Variants in CORO6 observed in about 807,000 individuals in gnomAD.
CORO6 encodes the protein coronin 6.
CORO6 carries 43 observed loss-of-function variants against 49.0 expected under a neutral mutation model. That is an observed-to-expected ratio of 0.88 (90% CI 0.69 to 1.13). CORO6 has a LOEUF of 1.13. Among genes scored for constraint, CORO6 ranks in the 50% most tolerant of loss-of-function variants. The pLI is 0.00. For synonymous variants in CORO6, 233 were observed against 256.5 expected (o/e 0.91, Z 0.88); for missense variants, 650 against 647.0 (o/e 1.00, Z -0.05).
At position 29,621,520 on chromosome 17, in the gene CORO6, G is replaced by T; in HGVS notation, c.-63-36C>A. On this transcript the variant is annotated intron_variant, in intron 1 of 10. Transcript: ENST00000388767. This position sits in a 1 kb window ranked among gnomAD's most constrained non-coding sequence, Gnocchi z 4.2. ...GAGGAGGAGTGGAGGGGTGGCTGAT[G>T]AGAAGGGTTATGTGGTCAGGAGTCA... The T allele has an allele frequency of 6.5e-7, 1 of 1,529,210 alleles. No homozygotes were observed. The allele number at this position is 1,529,210 out of a possible 1,614,324, so 94.7% of individuals were successfully genotyped here. A position where few individuals can be genotyped will look rare whatever the true frequency, so the allele number is the denominator to read the frequency against.
rs200773299 is a variant in CORO6, at chr17:29,616,109, C to A, written c.1129G>T (p.Glu377Ter). Residue 377 changes from glutamate (E) to a stop codon, truncating the protein, a stop_gained, in exon 10 of 11, where the codon GAA becomes TAA. Coordinates refer to ENST00000388767, the MANE Select transcript of CORO6 (RefSeq NM_032854.4). LOFTEE classifies it high-confidence loss of function. The surrounding 1 kb of genome is among the most constrained non-coding windows in gnomAD (Gnocchi z 5.6). ...TCGGCGTCCTGGCCGGATAGCCATT[C>A]GTCCGCTTCTAGGGCCGGCTCCGGG... The part of the protein sequence containing the change: ...PGPEPALEAD[E>*]WLSGQDAEPV... 6.2e-7 allele frequency: 1 copy of A among 1,613,158 alleles called. No homozygotes were observed. Among genetic ancestry groups the A allele is most frequent in the African/African-American group, 1.3e-5 (1 of 74,940 alleles).
At position 29,619,113 on chromosome 17, in the gene CORO6, C is replaced by G; in HGVS notation, c.398G>C (p.Arg133Pro). Residue 133 changes from arginine to proline, a missense_variant, in exon 4 of 11, where the codon CGT becomes CCT. Arg to Pro is a moderately radical substitution (Grantham distance 103). Transcript: ENST00000388767. ...PIITLEGHSKRVGILSWHPTA... is the reference protein window; with the variant it reads ...PIITLEGHSKPVGILSWHPTA... The stretch of plus-strand genomic sequence containing the variant: ...AGGGTGCCAGGAGAGGATGCCCACA[C>G]GCTTGGAGTGGCCCTCAAGTGTGAT... 1 of 1,613,732 alleles carries G rather than the reference C, an allele frequency of 6.2e-7. No individual in the cohort carries two copies. The highest frequency in any genetic ancestry group is 8.5e-7 in the Non-Finnish European group (1 of 1,179,944).
At position 29,622,611 on chromosome 17, in the gene CORO6, G is replaced by C. The variant is rs2150944883; in HGVS notation, c.-64+77C>G. On this transcript the variant is annotated intron_variant, in intron 1 of 10. Coordinates refer to ENST00000388767, the MANE Select transcript of CORO6 (RefSeq NM_032854.4). Reference sequence around the variant, plus strand: ...CGAATTTGGCGGCGCGGGGGGAGGAGGCGCAGACCTCTGCCCCTCAGGGAC... The same window carrying C: ...CGAATTTGGCGGCGCGGGGGGAGGACGCGCAGACCTCTGCCCCTCAGGGAC... 14 of 848,642 alleles carry C rather than the reference G, an allele frequency of 1.6e-5. No homozygotes were observed. The South Asian group carries it at 2.8e-4, about 17-fold the overall frequency. The allele number at this position is 848,642 out of a possible 1,614,324, so 52.6% of individuals were successfully genotyped here.
Position 29,616,488 on chromosome 17 carries a change from T to C in CORO6, c.1005-152A>G, listed in dbSNP as rs535431920. On this transcript the variant is annotated intron_variant, in intron 8 of 10. Coordinates refer to ENST00000388767, the MANE Select transcript of CORO6 (RefSeq NM_032854.4). This position sits in a 1 kb window ranked among gnomAD's most constrained non-coding sequence, Gnocchi z 5.6. ...TTATTGGTTCTGCAATAAAACACCC[T>C]GATGGTGTGTTCACCATCATCTTAT... is the stretch of plus-strand genomic sequence containing the variant. 6.6e-6 allele frequency: 6 copies of C among 904,670 alleles called. No homozygotes were observed. The highest frequency in any genetic ancestry group is 5.0e-5 in the African/African-American group (3 of 60,286). The allele number at this position is 904,670 out of a possible 1,614,324, so 56.0% of individuals were successfully genotyped here.
chr17:29,618,156 C>T (rs1235972477), intron 5 of CORO6: 4 of 1,386,326 alleles, frequency 2.9e-6, no homozygotes, highest in Non-Finnish European at 3.7e-6. Flanking sequence ...CCTCGTGAGG[C>T]CGGGCTTGCT....
chr17:29,618,447 T>C, intron 5 of CORO6: 1 of 1,268,144 alleles, frequency 7.9e-7, no homozygotes, highest in East Asian at 3.2e-5. Context: ...GGGTGCCGGC[T>C]GAGAGGAGAG....
At chr17:29,618,303 C>A in intron 5 of CORO6, 4 of 1,292,538 alleles carry the variant, frequency 3.1e-6, no homozygotes, top group Non-Finnish European at 3.9e-6. Context: ...AGGCCAGGGC[C>A]GCCGCCCTCC....
At chr17:29,617,674 C>G in intron 5 of CORO6, 55 bp from the exon 6 acceptor site, 1 of 1,495,890 alleles carries the variant, frequency 6.7e-7, no homozygotes, top group Non-Finnish European at 8.9e-7. Flanking sequence ...CCCTGAGGAG[C>G]ATGGAGGGAT....
At chr17:29,615,881 G>A in intron 10 of CORO6, 24 bp from the exon 11 acceptor site, 1 of 1,598,572 alleles carries the variant, frequency 6.3e-7, no homozygotes, top group Non-Finnish European at 8.5e-7. Context: ...CAGAGAGGCC[G>A]TGTCGTATAG....
At chr17:29,619,938 G>T (rs1324191292) in intron 2 of CORO6, among the ~76,000 whole-genome samples, 165 bp from the exon 3 acceptor site, 1 of 152,288 alleles carries the variant, frequency 6.6e-6, no homozygotes. Flanking sequence ...TTTACTGAAG[G>T]CAGAGTTGAA....
In CORO6 at chr17:29,619,399, A is replaced by G. The variant is rs1304283270; in HGVS notation, c.322-210T>C. Among the ~76,000 whole-genome samples, 4 of 152,228 alleles carry G rather than the reference A, an allele frequency of 2.6e-5. No individual in the cohort carries two copies. In the East Asian group the frequency reaches 7.7e-4, roughly 29 times the overall value. ...TCTCCAGAGACCTCCCATTCACTCC[A>G]GCAGGGAGACTTCAGAGCACTGCCC... On this transcript the variant is annotated intron_variant, in intron 3 of 10. Coordinates refer to ENST00000388767, the MANE Select transcript of CORO6 (RefSeq NM_032854.4).
rs2034817498 is a variant in CORO6 at position 29,615,590 on chromosome 17, T to C, written c.*142A>G. The C allele has an allele frequency of 1.1e-6, 1 of 895,684 alleles. No homozygotes were observed. Among genetic ancestry groups the C allele is most frequent in the Non-Finnish European group, 1.6e-6 (1 of 617,754 alleles). 55.5% of individuals were successfully genotyped at this position (895,684 alleles called of 1,614,324 possible). On this transcript the variant is annotated 3_prime_UTR_variant, in exon 11 of 11. Coordinates refer to ENST00000388767, the MANE Select transcript of CORO6 (RefSeq NM_032854.4). ...CTCCCCTAAGCTCCAAGAGTTCTGG[T>C]CTCCCGCGAGGGGCGGAGTTCCCTC...
intron 2 of CORO6, among the ~76,000 whole-genome samples, chr17:29,620,550 A>G (rs1402604945): frequency 6.6e-6 from 1 of 152,160 alleles, no homozygotes. Context: ...AACAAGGTGT[A>G]GGGGCCAGAA....
intron 3 of CORO6, 96 bp downstream of exon 3, chr17:29,619,555 C>G: frequency 7.9e-7 from 1 of 1,262,280 alleles, no homozygotes; most frequent in Non-Finnish European, 1.1e-6. Flanking sequence ...CCCAGCACCT[C>G]CCTTATTACC....
intron 2 of CORO6, among the ~76,000 whole-genome samples, chr17:29,620,079 A>T (rs1272921443): frequency 2.0e-5 from 3 of 152,208 alleles, no homozygotes; most frequent in Non-Finnish European, 1.5e-5. Flanking sequence ...TACTTGGAGG[A>T]GGCTGTTCTT....
rs201236237 is a variant in CORO6 at position 29,617,502 on chromosome 17, G to A, written c.751C>T (p.Pro251Ser). Residue 251 changes from proline to serine, a missense_variant and splice_region_variant, in exon 6 of 11, where the codon CCG (proline) becomes TCG (serine). Transcript: ENST00000388767. The stretch of plus-strand genomic sequence containing the variant: ...CCCCAAGCCTCCAGCTGCGTTACCG[G>A]GTCCCACAGGCCCAGCTCTCGCTGG... ...MSQRELGLWD[P>S]NNFEEPVALQ... 273 of 1,608,070 alleles carry A rather than the reference G, an allele frequency of 1.7e-4. No individual in the cohort carries two copies. Among genetic ancestry groups the A allele is most frequent in the Non-Finnish European group, 2.2e-4 (260 of 1,178,908 alleles).
In CORO6 at chr17:29,618,870, T is replaced by C. The variant is rs1727600308; in HGVS notation, c.553A>G (p.Ser185Gly). The C allele has an allele frequency of 6.2e-7, 1 of 1,614,062 alleles. No homozygotes were observed. Among genetic ancestry groups the C allele is most frequent in the Non-Finnish European group, 8.5e-7 (1 of 1,180,012 alleles). Residue 185 changes from serine to glycine, a missense_variant, in exon 5 of 11, where the codon AGC (serine) becomes GGC (glycine). Transcript: ENST00000388767. Reference protein sequence around the residue: ...PDVIHSVCWNSNGSLLATTCK... With the variant: ...PDVIHSVCWNGNGSLLATTCK... ...GTGGTGGCTAGCAGGCTACCGTTGC[T>C]GTTCCAGCACACACTGTGGATGACG... is the stretch of plus-strand genomic sequence containing the variant.
Position 29,622,810 on chromosome 17 carries a change from C to A in CORO6, c.-186G>T, listed in dbSNP as rs763367696. 2.0e-5 allele frequency: 26 copies of A among 1,312,192 alleles called. No individual in the cohort carries two copies. Among genetic ancestry groups the A allele is most frequent in the Non-Finnish European group, 2.4e-5 (24 of 994,938 alleles). 81.3% of individuals were successfully genotyped at this position (1,312,192 alleles called of 1,614,324 possible). Reference sequence around the variant, plus strand: ...CCACCTCTCCGGGTGTCTGTAGTATCTGGGACCCGGGTGTCCAGCTCCGCA... The same window carrying A: ...CCACCTCTCCGGGTGTCTGTAGTATATGGGACCCGGGTGTCCAGCTCCGCA... On this transcript the variant is annotated 5_prime_UTR_variant, in exon 1 of 11. Transcript: ENST00000388767.
intron 3 of CORO6, 70 bp from the exon 4 acceptor site, chr17:29,619,259 C>G (rs572715312): frequency 6.5e-7 from 1 of 1,531,188 alleles, no homozygotes; most frequent in Non-Finnish European, 8.9e-7. Context: ...CCTTCCCTAC[C>G]TTTTTTTTTA....
Sources: allele counts gnomAD v4.1 joint callset (sites outside exome capture counted in the v4.1 genomes callset), GRCh38; gene constraint gnomAD v4.1.1; non-coding constraint Gnocchi (gnomAD v3.1); transcripts MANE v1.5; gene names NCBI Gene and HGNC (gene_info 2026-07-23, HGNC 2026-07-21).